COBL: variants seen among roughly 807,000 people sequenced by gnomAD.
COBL encodes the protein protein cordon-bleu.
Under a neutral mutation model 98.8 loss-of-function variants are expected in COBL, and 51 were observed. That is an observed-to-expected ratio of 0.52 (90% CI 0.41 to 0.65). COBL has a LOEUF of 0.65. Ranked by LOEUF, COBL falls within the 30% of genes least tolerant of loss-of-function variation. The probability of loss-of-function intolerance (pLI) is 0.00; values close to 1 mark genes in which losing one functional copy is unlikely to be tolerated. For synonymous variants in COBL, 634 were observed against 651.7 expected, an observed-to-expected ratio of 0.97 and a Z score of 0.41; for missense variants, 1,617 against 1,617.5, an observed-to-expected ratio of 1.00 and a Z score of 0.01.
intron 7 of COBL, among the ~76,000 whole-genome samples, chr7:51,055,015 CAG>C (rs1053225297): frequency 1.4e-4 from 22 of 152,172 alleles, no homozygotes; most frequent in African/African-American, 5.1e-4. Context: ...AGCCAGGAGA[CAG>C]GGGGTGCCTT....
At chr7:51,179,827 C>G (rs1265008025) in intron 5 of COBL, among the ~76,000 whole-genome samples, 1 of 152,076 alleles carries the variant, frequency 6.6e-6, no homozygotes, top group Non-Finnish European at 1.5e-5. Flanking sequence ...GATCGCTAAC[C>G]CAACTTCAAG....
chr7:51,229,841 CA>C (rs1420459519), intron 1 of COBL, among the ~76,000 whole-genome samples: 6 of 152,258 alleles, frequency 3.9e-5, no homozygotes, highest in African/African-American at 1.2e-4. Flanking sequence ...CCAAACTGCT[CA>C]ATATGTGCAG....
chr7:51,266,734 C>T (rs1378719898), intron 1 of COBL, among the ~76,000 whole-genome samples: 2 of 152,156 alleles, frequency 1.3e-5, no homozygotes, highest in East Asian at 3.9e-4. Flanking sequence ...GGAAAGGACT[C>T]TACGACACAA....
chr7:51,259,838 C>T (rs1258214053), intron 1 of COBL: 5 of 754,790 alleles, frequency 6.6e-6, no homozygotes, highest in East Asian at 2.4e-5. Context: ...TTTCTTTAGG[C>T]GAAGTCTTGC....
chr7:51,168,365 G>A (rs1490047568), intron 5 of COBL, among the ~76,000 whole-genome samples: 1 of 152,004 alleles, frequency 6.6e-6, no homozygotes, highest in East Asian at 1.9e-4. Context: ...GAATCCAGAA[G>A]GTGGAGGCTG....
intron 1 of COBL, among the ~76,000 whole-genome samples, chr7:51,244,707 C>T (rs187485178): frequency 2.6e-4 from 39 of 152,248 alleles, no homozygotes; most frequent in Admixed American, 1.6e-3. Flanking sequence ...AAGTCACGTG[C>T]GGTGACCCCA....
At chr7:51,128,130 T>A (rs1798396270) in intron 6 of COBL, among the ~76,000 whole-genome samples, 2 of 152,208 alleles carry the variant, frequency 1.3e-5, no homozygotes, top group Non-Finnish European at 2.9e-5. Context: ...TTTTTATTCA[T>A]CCCATACAAA....
chr7:51,291,710 G>A (rs371603336), intron 1 of COBL, among the ~76,000 whole-genome samples: 7 of 151,512 alleles, frequency 4.6e-5, no homozygotes, highest in African/African-American at 1.4e-4. Context: ...GCAGTGAGCC[G>A]AGACCACGCC....
intron 2 of COBL, among the ~76,000 whole-genome samples, chr7:51,196,906 T>C (rs1790645669): frequency 6.6e-6 from 1 of 152,050 alleles, no homozygotes; most frequent in East Asian, 1.9e-4. Flanking sequence ...TTTATATACA[T>C]CTCCTCTCTT....
intron 1 of COBL, among the ~76,000 whole-genome samples, chr7:51,298,196 A>G (rs1359052776): frequency 4.6e-5 from 7 of 152,240 alleles, no homozygotes; most frequent in African/African-American, 1.4e-4. Context: ...GCATCCTGAC[A>G]AAAGTTGGCA....
chr7:51,169,771 T>A (rs1787672500), intron 5 of COBL, among the ~76,000 whole-genome samples: 1 of 152,184 alleles, frequency 6.6e-6, no homozygotes, highest in African/African-American at 2.4e-5. Flanking sequence ...GGCCTACTAT[T>A]TAATAGCACG....
chr7:51,027,733 T>A lies in COBL; in HGVS notation c.3363A>T (p.Gly1121=). 1 of 1,613,704 alleles carries A rather than the reference T, an allele frequency of 6.2e-7. No individual in the cohort carries two copies. Among genetic ancestry groups the A allele is most frequent in the African/African-American group, 1.3e-5 (1 of 75,050 alleles). ...TCACCTTGCGTAGTCTGTCCTTCCC[T>A]CCCGCAGAGTGGATGGCTTCCATCA... ...SALMEAIHSA[G]GKDRLRKTAE... The change falls in exon 10 of 13, where the codon GGA becomes GGT. Residue 1121 remains glycine (G), a synonymous_variant. Coordinates refer to ENST00000265136, the MANE Select transcript of COBL (RefSeq NM_015198.5).
At chr7:51,128,648 G>A (rs919514765) in intron 6 of COBL, among the ~76,000 whole-genome samples, 1 of 152,234 alleles carries the variant, frequency 6.6e-6, no homozygotes, top group Non-Finnish European at 1.5e-5. Context: ...AAGTGGCAAT[G>A]TCAGCCTCCA....
intron 6 of COBL, among the ~76,000 whole-genome samples, chr7:51,130,595 T>C (rs1438959514): frequency 6.6e-6 from 1 of 152,212 alleles, no homozygotes; most frequent in East Asian, 1.9e-4. Context: ...CTGGCATCCA[T>C]TGGCCAAGTG....
intron 6 of COBL, among the ~76,000 whole-genome samples, chr7:51,090,059 T>C (rs11981956): frequency 0.011 from 1,744 of 152,300 alleles, 22 homozygotes; most frequent in African/African-American, 0.04. Flanking sequence ...TTTTTCTCTC[T>C]TTATTTTTCG....
At chr7:51,182,161 A>C (rs1475089126) in intron 5 of COBL, among the ~76,000 whole-genome samples, 1 of 152,188 alleles carries the variant, frequency 6.6e-6, no homozygotes, top group Non-Finnish European at 1.5e-5. Flanking sequence ...TGGTGTCCTC[A>C]GGATCAAGGA....
rs532078975 is a variant in COBL, at chr7:51,104,800, T to C, written c.958-19496A>G. On this transcript the variant is annotated intron_variant, in intron 6 of 12. Coordinates refer to ENST00000265136, the MANE Select transcript of COBL (RefSeq NM_015198.5). ...AGTCATCCTCTGTCACCTGGTTAAGTTTCTTGAGGCTAAATGCATTGACAT... is the reference window on the plus strand; with the variant it reads ...AGTCATCCTCTGTCACCTGGTTAAGCTTCTTGAGGCTAAATGCATTGACAT... Among the ~76,000 whole-genome samples the C allele has an allele frequency of 4.6e-5, 7 of 152,228 alleles. No homozygotes were observed. In the East Asian group the frequency reaches 1.4e-3, roughly 29 times the overall value.
chr7:51,245,649 C>T (rs1292023930), intron 1 of COBL, among the ~76,000 whole-genome samples: 3 of 152,194 alleles, frequency 2.0e-5, no homozygotes, highest in Non-Finnish European at 2.9e-5. Flanking sequence ...CTACCATTTA[C>T]AAGGTAATTC....
intron 7 of COBL, chr7:51,065,304 A>C (rs2128915999): frequency 1.4e-6 from 1 of 703,500 alleles, no homozygotes; most frequent in East Asian, 2.7e-5. Context: ...GGGAGGAGGA[A>C]GAGAAACAGG....
Sources: gnomAD v4.1 joint callset for allele counts (sites outside exome capture counted in the v4.1 genomes callset) on GRCh38, gnomAD v4.1.1 for gene constraint, MANE v1.5 for transcripts, NCBI Gene and HGNC (gene_info 2026-07-23, HGNC 2026-07-21) for gene names.